Variants in STPG2 observed in about 807,000 individuals in gnomAD.
The protein encoded by STPG2 is sperm tail PG-rich repeat containing 2.
A neutral mutation model predicts 54.2 loss-of-function variants in STPG2; 56 were observed. The ratio of observed to expected loss-of-function variants is 1.03; its 90% CI spans 0.83 to 1.29. STPG2 has a LOEUF of 1.29. Among genes scored for constraint, STPG2 ranks in the 50% most tolerant of loss-of-function variants. The probability of loss-of-function intolerance (pLI) is 0.00; values close to 1 mark genes in which losing one functional copy is unlikely to be tolerated. For synonymous variants in STPG2, 200 were observed against 181.8 expected (o/e 1.10, Z -0.81); for missense variants, 596 against 544.9 (o/e 1.09, Z -0.93).
At chr4:98,039,057 A>C (rs888852245) in intron 5 of STPG2, among the ~76,000 whole-genome samples, 1 of 152,044 alleles carries the variant, frequency 6.6e-6, no homozygotes, top group Non-Finnish European at 1.5e-5. Flanking sequence ...CCACATTAGG[A>C]AAGAAATTGG....
intron 10 of STPG2, among the ~76,000 whole-genome samples, chr4:97,640,597 A>C (rs1478647340): frequency 6.6e-6 from 1 of 151,830 alleles, no homozygotes; most frequent in East Asian, 1.9e-4. Context: ...AAACTAGTAG[A>C]TTGAAAAACA....
chr4:98,080,681 C>CA (rs1036806734), intron 5 of STPG2, among the ~76,000 whole-genome samples: 8 of 151,412 alleles, frequency 5.3e-5, no homozygotes, highest in Non-Finnish European at 1.0e-4. Context: ...TCGTACTTTT[C>CA]AAAAAAAAGA....
intron 7 of STPG2, among the ~76,000 whole-genome samples, chr4:97,956,254 T>G (rs2149244267): frequency 6.6e-6 from 1 of 152,270 alleles, no homozygotes; most frequent in Admixed American, 6.5e-5. Context: ...CTTATTGTAA[T>G]TTTCATGGCA....
Position 98,038,310 on chromosome 4 carries a change from T to A in STPG2, c.613-56992A>T, listed in dbSNP as rs182922349. On this transcript the variant is annotated intron_variant, in intron 5 of 10. Coordinates refer to ENST00000295268, the MANE Select transcript of STPG2 (RefSeq NM_174952.3). ...GTATAGGGGATCTTAGTCCATTTGA[T>A]ACAAGATTTGTTAAACTGTAAAGTT... 2.0e-5 allele frequency among the ~76,000 whole-genome samples: 3 copies of A among 152,258 alleles called. No homozygotes were observed. The East Asian group carries it at 5.8e-4, about 29-fold the overall frequency.
At chr4:97,547,289 C>CA (rs904847693) in intron 4 of STPG2, among the ~76,000 whole-genome samples, 1 of 151,848 alleles carries the variant, frequency 6.6e-6, no homozygotes, top group African/African-American at 2.4e-5. Context: ...CGGCTCACTG[C>CA]AAGCTCCGCC....
At chr4:98,022,851 G>A (rs80027069) in intron 5 of STPG2, among the ~76,000 whole-genome samples, 47,632 of 151,888 alleles carry the variant, frequency 0.31, 7,601 homozygotes, top group Middle Eastern at 0.36. Flanking sequence ...GTTCTCGAGC[G>A]TTGGCTTTCA....
At chr4:97,671,388 C>G (rs1357190829) in intron 10 of STPG2, among the ~76,000 whole-genome samples, 2 of 152,132 alleles carry the variant, frequency 1.3e-5, no homozygotes, top group Non-Finnish European at 2.9e-5. Context: ...CATATGTAGG[C>G]CTCGTATTTA....
chr4:97,465,135 T>C (rs1729758203), intron 4 of STPG2, among the ~76,000 whole-genome samples: 1 of 152,182 alleles, frequency 6.6e-6, no homozygotes, highest in Non-Finnish European at 1.5e-5. Context: ...TGGCGCTTTC[T>C]AATTACCAGG....
intron 9 of STPG2, among the ~76,000 whole-genome samples, chr4:97,777,105 A>G (rs1166137745): frequency 6.6e-6 from 1 of 152,238 alleles, no homozygotes; most frequent in Admixed American, 6.5e-5. Flanking sequence ...ACAGGAGCTC[A>G]GTAAATAATA....
intron 10 of STPG2, among the ~76,000 whole-genome samples, chr4:97,675,663 G>A (rs567928656): frequency 2.0e-5 from 3 of 151,910 alleles, no homozygotes; most frequent in South Asian, 4.1e-4. Context: ...GTTTCCATGT[G>A]TGGGTGCATT....
intron 9 of STPG2, among the ~76,000 whole-genome samples, chr4:97,748,059 G>T (rs899827947): frequency 6.6e-6 from 1 of 151,458 alleles, no homozygotes; most frequent in Non-Finnish European, 1.5e-5. Flanking sequence ...ATTTTCATGT[G>T]AGAACTGAAA....
Position 97,972,312 on chromosome 4 carries a change from C to T in STPG2, c.901G>A (p.Ala301Thr). 3.7e-6 allele frequency: 6 copies of T among 1,603,812 alleles called. No individual in the cohort carries two copies. The highest frequency in any genetic ancestry group is 5.1e-6 in the Non-Finnish European group (6 of 1,175,410). ...TCAGCAGGTCCAGGGGTAGCACAAG[C>T]TTCTTTCTGAACCGAGAAGAAAGTC... ...PRTFFSVQKEACATPGPADYQ... is the reference protein window; with the variant it reads ...PRTFFSVQKETCATPGPADYQ... The change falls in exon 7 of 11, where the codon GCT becomes ACT. Residue 301 changes from alanine to threonine, a missense_variant. Physicochemically the swap from Ala to Thr is moderately conservative, Grantham distance 58 (BLOSUM62 0). Coordinates refer to ENST00000295268, the MANE Select transcript of STPG2 (RefSeq NM_174952.3).
At chr4:97,692,298 G>GAAAAAA in intron 10 of STPG2, among the ~76,000 whole-genome samples, 1 of 90,584 alleles carries the variant, frequency 1.1e-5, no homozygotes, top group Admixed American at 1.2e-4. Context: ...TACAGGATAT[G>GAAAAAA]AAAAAAAAAA....
intron 9 of STPG2, among the ~76,000 whole-genome samples, chr4:97,730,571 A>G (rs943679733): frequency 2.6e-5 from 4 of 152,076 alleles, no homozygotes; most frequent in African/African-American, 9.7e-5. Context: ...TCCTTGAGGA[A>G]TCTCCAAACT....
intron 8 of STPG2, among the ~76,000 whole-genome samples, chr4:97,854,357 T>C (rs907418474): frequency 6.6e-6 from 1 of 151,906 alleles, no homozygotes; most frequent in Non-Finnish European, 1.5e-5. Context: ...TAATAGTTCC[T>C]ACCTTCTTGG....
At chr4:97,938,326 C>A (rs1241741988) in intron 8 of STPG2, among the ~76,000 whole-genome samples, 1 of 152,246 alleles carries the variant, frequency 6.6e-6, no homozygotes, top group Non-Finnish European at 1.5e-5. Context: ...CTGCCAGCAG[C>A]CACAGTGATA....
At chr4:97,523,262 T>C (rs1443773140) in intron 4 of STPG2, among the ~76,000 whole-genome samples, 1 of 151,624 alleles carries the variant, frequency 6.6e-6, no homozygotes, top group Non-Finnish European at 1.5e-5. Context: ...TGTAATAGAG[T>C]CTCTTCTACC....
intron 10 of STPG2, among the ~76,000 whole-genome samples, chr4:97,685,898 T>G (rs1251199779): frequency 6.6e-6 from 1 of 152,182 alleles, no homozygotes; most frequent in African/African-American, 2.4e-5. Context: ...ACTAATACAG[T>G]GTGCAACACA....
intron 3 of STPG2, among the ~76,000 whole-genome samples, chr4:98,112,919 T>C (rs981101943): frequency 6.6e-6 from 1 of 151,790 alleles, no homozygotes; most frequent in Admixed American, 6.6e-5. Context: ...CAATGCTAAA[T>C]ACTGGGGATT....
Sources: allele counts gnomAD v4.1 joint callset (sites outside exome capture counted in the v4.1 genomes callset), GRCh38; gene constraint gnomAD v4.1.1; transcripts MANE v1.5; gene names NCBI Gene and HGNC (gene_info 2026-07-23, HGNC 2026-07-21).